Variants in WDR70 observed in about 807,000 individuals in gnomAD.
The protein encoded by WDR70 is WD repeat domain 70.
In WDR70, 53 loss-of-function variants were observed where a neutral mutation model predicts 88.6. That is an observed-to-expected ratio of 0.60 (90% CI 0.48 to 0.75). WDR70 has a LOEUF of 0.75. Among genes scored for constraint, WDR70 ranks in the 30% least tolerant of loss-of-function variants. WDR70 has a pLI of 0.00. For synonymous variants in WDR70, 280 were observed against 270.0 expected (o/e 1.04, Z -0.36); for missense variants, 610 against 823.2 (o/e 0.74, Z 3.17).
chr5:37,512,514 C>T (rs529468630), intron 8 of WDR70, among the ~76,000 whole-genome samples: 1 of 152,134 alleles, frequency 6.6e-6, no homozygotes, highest in Non-Finnish European at 1.5e-5. Context: ...CCACCACGCC[C>T]AGCCCTCTTC....
chr5:37,604,803 G>A (rs1400851), intron 9 of WDR70, among the ~76,000 whole-genome samples: 43 of 152,092 alleles, frequency 2.8e-4, no homozygotes, highest in East Asian at 5.8e-4. Context: ...AATTAATAAC[G>A]TTGATCGATT....
chr5:37,743,626 A>G (rs1220976388), intron 17 of WDR70, among the ~76,000 whole-genome samples: 1 of 152,290 alleles, frequency 6.6e-6, no homozygotes, highest in African/African-American at 2.4e-5. Flanking sequence ...ACTTGTCCCC[A>G]CAGCCCAACA....
At chr5:37,570,051 T>C (rs1240897144) in intron 9 of WDR70, among the ~76,000 whole-genome samples, 1 of 152,022 alleles carries the variant, frequency 6.6e-6, no homozygotes, top group Admixed American at 6.6e-5. Flanking sequence ...GAGGGTAGAC[T>C]GAAAGGAAGC....
chr5:37,736,006 A>T (rs1342210881), intron 17 of WDR70, among the ~76,000 whole-genome samples: 1 of 152,186 alleles, frequency 6.6e-6, no homozygotes, highest in Admixed American at 6.5e-5. Flanking sequence ...ACAGCCATGA[A>T]AATTTTCAAA....
intron 13 of WDR70, among the ~76,000 whole-genome samples, chr5:37,717,006 T>TAAG (rs1433236348): frequency 6.6e-6 from 1 of 152,178 alleles, no homozygotes; most frequent in East Asian, 1.9e-4. Flanking sequence ...TTGAGCACAT[T>TAAG]AAGGTCTTGT....
chr5:37,609,338 A>G (rs1744123211), intron 10 of WDR70, among the ~76,000 whole-genome samples: 1 of 152,188 alleles, frequency 6.6e-6, no homozygotes, highest in African/African-American at 2.4e-5. Context: ...ATGAATACCT[A>G]ATAACTTCTC....
intron 8 of WDR70, among the ~76,000 whole-genome samples, chr5:37,508,094 G>A (rs1404559284): frequency 6.6e-6 from 1 of 152,012 alleles, no homozygotes; most frequent in Non-Finnish European, 1.5e-5. Context: ...CATTAAATAG[G>A]TAGTTAACTG....
At chr5:37,481,484 C>CA (rs1373304214) in intron 8 of WDR70, among the ~76,000 whole-genome samples, 3 of 152,138 alleles carry the variant, frequency 2.0e-5, no homozygotes, top group Non-Finnish European at 4.4e-5. Flanking sequence ...TTGGGACTTG[C>CA]ACCCTCTGAA....
intron 10 of WDR70, among the ~76,000 whole-genome samples, chr5:37,614,205 C>T (rs1249108616): frequency 1.3e-5 from 2 of 152,160 alleles, no homozygotes; most frequent in Non-Finnish European, 2.9e-5. Context: ...CTAGAGGCCG[C>T]CCTTTTATCT....
chr5:37,614,324 G>A (rs1431393415), intron 10 of WDR70, among the ~76,000 whole-genome samples: 2 of 152,040 alleles, frequency 1.3e-5, no homozygotes, highest in Non-Finnish European at 2.9e-5. Flanking sequence ...ACTTTTTAAA[G>A]ACCCCTGTGA....
At chr5:37,734,066 T>C (rs1196115964) in intron 17 of WDR70, among the ~76,000 whole-genome samples, 6 of 152,028 alleles carry the variant, frequency 3.9e-5, no homozygotes, top group Non-Finnish European at 8.8e-5. Flanking sequence ...AAATAATTTT[T>C]ATTCACTTAG....
At chr5:37,451,641 G>T (rs1738678105) in intron 7 of WDR70, among the ~76,000 whole-genome samples, 1 of 151,968 alleles carries the variant, frequency 6.6e-6, no homozygotes, top group Non-Finnish European at 1.5e-5. Context: ...TGTGACTTAA[G>T]TTCAAAAACA....
At chr5:37,422,798 T>G (rs936994672) in intron 5 of WDR70, among the ~76,000 whole-genome samples, 1 of 152,060 alleles carries the variant, frequency 6.6e-6, no homozygotes, top group African/African-American at 2.4e-5. Flanking sequence ...AAATTTTTTT[T>G]GTATTTTTTG....
intron 9 of WDR70, among the ~76,000 whole-genome samples, chr5:37,557,957 A>ACTCTTTTGAAAACTCTTCAAACGAGTAC: frequency 7.2e-6 from 1 of 139,252 alleles, no homozygotes; most frequent in African/African-American, 2.6e-5. Context: ...TCAAAAGAGT[A>ACTCTTTTGAAAACTCTTCAAACGAGTAC]TTATGTATAT....
intron 17 of WDR70, among the ~76,000 whole-genome samples, chr5:37,745,496 A>C (rs1748610090): frequency 6.6e-6 from 1 of 151,954 alleles, no homozygotes; most frequent in African/African-American, 2.4e-5. Context: ...TTGGATAAGG[A>C]GTTAAGACCC....
intron 8 of WDR70, among the ~76,000 whole-genome samples, chr5:37,514,110 G>T (rs185073231): frequency 6.6e-6 from 1 of 151,608 alleles, no homozygotes; most frequent in East Asian, 1.9e-4. Context: ...CAACTCCTGG[G>T]TTCAAGGGAT....
chr5:37,442,981 A>G (rs1319196300), intron 6 of WDR70, among the ~76,000 whole-genome samples: 7 of 152,228 alleles, frequency 4.6e-5, no homozygotes, highest in Non-Finnish European at 1.0e-4. Flanking sequence ...TTCTGAATAC[A>G]TGGTTGATGA....
At chr5:37,607,260 C>A (rs1338214580) in intron 10 of WDR70, among the ~76,000 whole-genome samples, 2 of 151,848 alleles carry the variant, frequency 1.3e-5, no homozygotes, top group Admixed American at 6.6e-5. Flanking sequence ...TAAAAAATTT[C>A]TTAACTTTTT....
At chr5:37,476,585 C>G (rs1166291397) in intron 7 of WDR70, among the ~76,000 whole-genome samples, 1 of 149,528 alleles carries the variant, frequency 6.7e-6, no homozygotes, top group Non-Finnish European at 1.5e-5. Flanking sequence ...GAGTCTCGCT[C>G]TGTCACCTAG....
Sources: allele counts gnomAD v4.1 joint callset (sites outside exome capture counted in the v4.1 genomes callset), GRCh38; gene constraint gnomAD v4.1.1; transcripts MANE v1.5; gene names NCBI Gene and HGNC (gene_info 2026-07-23, HGNC 2026-07-21).